The following BORCS5 variants were observed in gnomAD, a reference collection of about 807,000 sequenced individuals.
BORCS5 encodes the protein BLOC-1 related complex subunit 5.
Under a neutral mutation model 22.1 loss-of-function variants are expected in BORCS5, and 17 were observed. The observed-to-expected ratio is 0.77, with a 90% CI of 0.53 to 1.15. The LOEUF is 1.15. Ranked by LOEUF, BORCS5 falls within the 50% of genes most tolerant of loss-of-function variation. BORCS5 has a pLI of 0.00. For missense variants in BORCS5, 247 were observed against 253.2 expected, an observed-to-expected ratio of 0.98 and a Z score of 0.17; for synonymous variants, 117 against 99.8, an observed-to-expected ratio of 1.17 and a Z score of -1.03.
chr12:12,414,664 G>T (rs572687801), intron 2 of BORCS5, among the ~76,000 whole-genome samples: 12 of 92,190 alleles, frequency 1.3e-4, no homozygotes, highest in East Asian at 4.8e-4. Flanking sequence ...CCTCCCGGAC[G>T]GGGCGGCTGG....
chr12:12,461,643 A>G (rs562482678), intron 3 of BORCS5, among the ~76,000 whole-genome samples: 6 of 152,280 alleles, frequency 3.9e-5, no homozygotes, highest in Admixed American at 2.6e-4. Flanking sequence ...TGCCAACTCA[A>G]AGATGTAACC....
At chr12:12,449,896 A>G (rs539855710) in intron 3 of BORCS5, among the ~76,000 whole-genome samples, 1 of 152,316 alleles carries the variant, frequency 6.6e-6, no homozygotes, top group South Asian at 2.1e-4. Context: ...TGCCCTTCTC[A>G]CTGCAGATCC....
At chr12:12,375,509 A>G (rs1275933992) in intron 2 of BORCS5, among the ~76,000 whole-genome samples, 1 of 152,180 alleles carries the variant, frequency 6.6e-6, no homozygotes, top group Non-Finnish European at 1.5e-5. Flanking sequence ...AATCCCAGCT[A>G]CTTAGGAGGC....
At chr12:12,396,879 G>A (rs774466509) in intron 2 of BORCS5, among the ~76,000 whole-genome samples, 6 of 152,208 alleles carry the variant, frequency 3.9e-5, no homozygotes, top group Admixed American at 3.3e-4. Flanking sequence ...CTTAAAAAAT[G>A]CTCAGCATAC....
chr12:12,372,935 T>C (rs1441768680), intron 2 of BORCS5, among the ~76,000 whole-genome samples: 3 of 152,222 alleles, frequency 2.0e-5, no homozygotes, highest in African/African-American at 7.2e-5. Context: ...CTGCAAACTT[T>C]GCTCTCTCTC....
In BORCS5 at chr12:12,361,324, T is replaced by G. The variant is rs781517205; in HGVS notation, c.177T>G (p.Ile59Met). The change falls in exon 2 of 4, where the codon ATT becomes ATG. Residue 59 changes from isoleucine to methionine, a missense_variant. Physicochemically the swap from Ile to Met is conservative, Grantham distance 10. Transcript: ENST00000314565. ...NDPDVIKLQE[I>M]PTFQPLLKGL... ...CCGATGTCATCAAGTTGCAAGAGAT[T>G]CCAACCTTCCAGCCCCTTTTGAAAG... is the stretch of plus-strand genomic sequence containing the variant. 1.9e-5 allele frequency: 31 copies of G among 1,614,166 alleles called. No homozygotes were observed. Among genetic ancestry groups the G allele is most frequent in the Non-Finnish European group, 2.5e-5 (30 of 1,180,002 alleles).
intron 2 of BORCS5, among the ~76,000 whole-genome samples, chr12:12,379,209 C>T (rs1863723299): frequency 6.6e-6 from 1 of 150,656 alleles, no homozygotes; most frequent in Non-Finnish European, 1.5e-5. Context: ...CAACCTCTGC[C>T]TCCCGGGTTC....
rs1943240247 is a variant in BORCS5 at position 12,468,714 on chromosome 12, T to C, written c.*2938T>C. 1 of 152,230 alleles carries C rather than the reference T, an allele frequency of 6.6e-6. No homozygotes were observed. The allele number at this position is 152,230 out of a possible 1,614,324, so 9.4% of individuals were successfully genotyped here. ...TATAAATTAGCTGTTCATTGGCTGC[T>C]TCTTTCTAGAGCCTGTTTTGCTTAT... On this transcript the variant is annotated 3_prime_UTR_variant, in exon 4 of 4. Coordinates refer to ENST00000314565, the MANE Select transcript of BORCS5 (RefSeq NM_058169.6).
At chr12:12,428,783 A>T (rs561293453) in intron 2 of BORCS5, among the ~76,000 whole-genome samples, 1 of 152,190 alleles carries the variant, frequency 6.6e-6, no homozygotes, top group Non-Finnish European at 1.5e-5. Flanking sequence ...GATGAAGTAG[A>T]TATGACAAAA....
At chr12:12,428,684 C>T (rs951320677) in intron 2 of BORCS5, among the ~76,000 whole-genome samples, 18 of 152,212 alleles carry the variant, frequency 1.2e-4, no homozygotes, top group Admixed American at 2.0e-4. Context: ...TGTGGATCAA[C>T]GTTCTTCTTT....
rs1278883172 is a variant in BORCS5, at chr12:12,396,824, A to G, written c.202+35475A>G. Among the ~76,000 whole-genome samples the G allele has an allele frequency of 2.0e-5, 3 of 152,346 alleles. No homozygotes were observed. In the East Asian group the frequency reaches 5.8e-4, roughly 29 times the overall value. On this transcript the variant is annotated intron_variant, in intron 2 of 3. Transcript: ENST00000314565. Reference sequence around the variant, plus strand: ...AATAAAATAATGTTTTTAAATGAGCATATGAAATCTGTGTTGAACAGCTGC... The same window carrying G: ...AATAAAATAATGTTTTTAAATGAGCGTATGAAATCTGTGTTGAACAGCTGC...
intron 2 of BORCS5, among the ~76,000 whole-genome samples, chr12:12,382,139 GAA>G (rs1863787217): frequency 6.6e-6 from 1 of 151,384 alleles, no homozygotes; most frequent in African/African-American, 2.4e-5. Flanking sequence ...AATTTATAAA[GAA>G]GAGAGGTTTA....
At chr12:12,401,658 C>T (rs1415335711) in intron 2 of BORCS5, among the ~76,000 whole-genome samples, 4 of 152,074 alleles carry the variant, frequency 2.6e-5, no homozygotes, top group Admixed American at 2.6e-4. Context: ...TAGTGTAGAC[C>T]TATGTAAAGT....
At chr12:12,368,026 G>T (rs1863440571) in intron 2 of BORCS5, among the ~76,000 whole-genome samples, 1 of 152,094 alleles carries the variant, frequency 6.6e-6, no homozygotes, top group South Asian at 2.1e-4. Context: ...TGACTCCATG[G>T]GTGCTACATG....
rs1307421659 is a variant in BORCS5, at chr12:12,469,600, C to T, written c.*3824C>T. 1 of 152,218 alleles carries T rather than the reference C, an allele frequency of 6.6e-6. No homozygotes were observed. The highest frequency in any genetic ancestry group is 1.9e-4 in the East Asian group (1 of 5,198). The allele number at this position is 152,218 out of a possible 1,614,324, so 9.4% of individuals were successfully genotyped here. ...CTTTTGTGTTGATTTGTAGAACTTACTTAGCTTTGGCATTTCCCCTAGTAA... is the reference window on the plus strand; with the variant it reads ...CTTTTGTGTTGATTTGTAGAACTTATTTAGCTTTGGCATTTCCCCTAGTAA... On this transcript the variant is annotated 3_prime_UTR_variant, in exon 4 of 4. Coordinates refer to ENST00000314565, the MANE Select transcript of BORCS5 (RefSeq NM_058169.6).
chr12:12,449,368 A>C (rs115104784), intron 3 of BORCS5, among the ~76,000 whole-genome samples: 196 of 152,304 alleles, frequency 1.3e-3, no homozygotes, highest in African/African-American at 4.4e-3. Flanking sequence ...TCTGTCCCTC[A>C]GGCTTTTATT....
chr12:12,438,576 A>G lies in BORCS5; in HGVS notation c.360+2791A>G, dbSNP rs143111909. Reference sequence around the variant, plus strand: ...AGCAGTGTTTGTCAGCCCTGGTTACATGTTAAAATTACTCGGAAGTTTTTT... The same window carrying G: ...AGCAGTGTTTGTCAGCCCTGGTTACGTGTTAAAATTACTCGGAAGTTTTTT... On this transcript the variant is annotated intron_variant, in intron 3 of 3. Transcript: ENST00000314565. Among the ~76,000 whole-genome samples the G allele has an allele frequency of 4.3e-3, 662 of 152,198 alleles. 9 individuals are homozygous for G. Among genetic ancestry groups the G allele is most frequent in the African/African-American group, 0.015 (629 of 41,514 alleles).
chr12:12,469,211 C>T lies in BORCS5; in HGVS notation c.*3435C>T, dbSNP rs183086233. 1 of 152,272 alleles carries T rather than the reference C, an allele frequency of 6.6e-6. No individual in the cohort carries two copies. The highest frequency in any genetic ancestry group is 6.5e-5 in the Admixed American group (1 of 15,276). 9.4% of individuals were successfully genotyped at this position (152,272 alleles called of 1,614,324 possible). On this transcript the variant is annotated 3_prime_UTR_variant, in exon 4 of 4. Coordinates refer to ENST00000314565, the MANE Select transcript of BORCS5 (RefSeq NM_058169.6). ...CTACTAAAAAAAATACAGAAATTAC[C>T]CGGGCATGGTGGCTGGTGCCTGTAA...
intron 3 of BORCS5, among the ~76,000 whole-genome samples, chr12:12,456,962 A>G (rs1026125342): frequency 1.3e-5 from 2 of 152,100 alleles, no homozygotes; most frequent in Non-Finnish European, 2.9e-5. Context: ...TGCCTTCACA[A>G]TAGATATGTT....
Sources: gnomAD v4.1 joint callset for allele counts (sites outside exome capture counted in the v4.1 genomes callset) on GRCh38, gnomAD v4.1.1 for gene constraint, MANE v1.5 for transcripts, NCBI Gene and HGNC (gene_info 2026-07-23, HGNC 2026-07-21) for gene names.